The following AP4S1 variants were observed in gnomAD, a reference collection of about 807,000 sequenced individuals.
The protein encoded by AP4S1 is adaptor related protein complex 4 subunit sigma 1.
AP4S1 carries 23 observed loss-of-function variants against 19.8 expected under a neutral mutation model. That is an observed-to-expected ratio of 1.16 (90% CI 0.84 to 1.65). The LOEUF is 1.65. Among genes scored for constraint, AP4S1 ranks in the 40% most tolerant of loss-of-function variants. AP4S1 has a pLI of 0.00. For synonymous variants in AP4S1, 46 were observed against 54.1 expected (o/e 0.85, Z 0.66); for missense variants, 166 against 172.8 (o/e 0.96, Z 0.22).
At chr14:31,058,611 G>C (rs1056663299) in intron 1 of AP4S1, among the ~76,000 whole-genome samples, 2 of 151,516 alleles carry the variant, frequency 1.3e-5, no homozygotes, top group Non-Finnish European at 2.9e-5. Context: ...GCCCAGGCCA[G>C]AGTAGGAGTG....
chr14:31,087,953 T>A (rs970849914), intron 5 of AP4S1, among the ~76,000 whole-genome samples: 2 of 152,126 alleles, frequency 1.3e-5, no homozygotes, highest in African/African-American at 4.8e-5. Flanking sequence ...TGCCAGAGAG[T>A]GAGGACTGGC....
chr14:31,049,428 A>ATAT (rs1555331101), intron 1 of AP4S1, among the ~76,000 whole-genome samples: 2 of 57,742 alleles, frequency 3.5e-5, no homozygotes, highest in East Asian at 5.1e-4. Context: ...AAAAAAAAAA[A>ATAT]ATATATATAT....
rs542759693 is a variant in AP4S1, at chr14:31,046,011, G to A, written c.-71-20115G>A. Among the ~76,000 whole-genome samples, 120 of 150,378 alleles carry A rather than the reference G, an allele frequency of 8.0e-4. 1 individual carries two copies. The highest frequency in any genetic ancestry group is 3.4e-3 in the Middle Eastern group (1 of 294). ...GACGGAGTTTCACTCTTGTTGCCCA[G>A]GCTGGAGTGCAATGGCATGATCTCG... On this transcript the variant is annotated intron_variant, in intron 1 of 5. Transcript: ENST00000542754.
rs1405764488 is a variant in AP4S1, at chr14:31,073,456, C to CTCCA, written c.294+484_294+487dup. On this transcript the variant is annotated intron_variant, in intron 4 of 5. Coordinates refer to ENST00000542754, the MANE Select transcript of AP4S1 (RefSeq NM_001128126.3). Reference sequence around the variant, plus strand: ...AGTGAGCCGAGATCCCGCCACTGCACTCCAGCCTGGGCAACAGAGCGAGAC... The same window carrying CTCCA: ...AGTGAGCCGAGATCCCGCCACTGCACTCCATCCAGCCTGGGCAACAGAGCGAGAC... Among the ~76,000 whole-genome samples, 43 of 146,414 alleles carry CTCCA rather than the reference C, an allele frequency of 2.9e-4. 1 individual carries two copies. The highest frequency in any genetic ancestry group is 6.1e-4 in the Non-Finnish European group (40 of 65,840).
intron 3 of AP4S1, among the ~76,000 whole-genome samples, chr14:31,071,938 TG>T (rs1887034650): frequency 7.3e-6 from 1 of 137,454 alleles, no homozygotes; most frequent in Non-Finnish European, 1.6e-5. Context: ...TTTGGGGGGG[TG>T]GGGATGGAGT....
intron 1 of AP4S1, 169 bp downstream of exon 1, chr14:31,025,956 G>C (rs777672444): frequency 3.8e-6 from 6 of 1,592,756 alleles, no homozygotes; most frequent in Non-Finnish European, 2.6e-6. Flanking sequence ...CTCGAACCGA[G>C]CCCACTCGTG....
chr14:31,052,869 CT>C (rs1274528802), intron 1 of AP4S1, among the ~76,000 whole-genome samples: 1 of 150,206 alleles, frequency 6.7e-6, no homozygotes, highest in Admixed American at 6.7e-5. Context: ...TCCCTGTAGA[CT>C]TATCAGTACT....
At chr14:31,047,338 CA>C (rs1367862609) in intron 1 of AP4S1, among the ~76,000 whole-genome samples, 1 of 150,386 alleles carries the variant, frequency 6.6e-6, no homozygotes, top group African/African-American at 2.4e-5. Context: ...GGTGTGTGGG[CA>C]GGGGGAAGTT....
chr14:31,049,679 C>T (rs1188484183), intron 1 of AP4S1, among the ~76,000 whole-genome samples: 1 of 151,562 alleles, frequency 6.6e-6, no homozygotes, highest in Admixed American at 6.6e-5. Context: ...TATTTTGAAA[C>T]ACGGTCTTTC....
In AP4S1 at chr14:31,057,848, G is replaced by A. The variant is rs892697680; in HGVS notation, c.-71-8278G>A. 4.6e-5 allele frequency among the ~76,000 whole-genome samples: 7 copies of A among 151,470 alleles called. No individual in the cohort carries two copies. The South Asian group carries it at 6.3e-4, about 14-fold the overall frequency. ...TCACAATGTTAGCCAGGCTGGTCTCGAATTCCTGACCTCAAGTGATCCACC... is the reference window on the plus strand; with the variant it reads ...TCACAATGTTAGCCAGGCTGGTCTCAAATTCCTGACCTCAAGTGATCCACC... On this transcript the variant is annotated intron_variant, in intron 1 of 5. Transcript: ENST00000542754.
intron 1 of AP4S1, among the ~76,000 whole-genome samples, chr14:31,054,415 G>A (rs1424424324): frequency 1.3e-5 from 2 of 152,048 alleles, no homozygotes; most frequent in Non-Finnish European, 2.9e-5. Context: ...TGGGCCCAGT[G>A]ACTCACGCCT....
chr14:31,077,405 C>G (rs1357305800), intron 4 of AP4S1, among the ~76,000 whole-genome samples: 1 of 152,206 alleles, frequency 6.6e-6, no homozygotes, highest in Non-Finnish European at 1.5e-5. Context: ...GAAGTTAGGT[C>G]TTCAGCCCAC....
At position 31,084,631 on chromosome 14, in the gene AP4S1, G is replaced by T. The variant is rs1162592572; in HGVS notation, c.306+4047G>T. On this transcript the variant is annotated intron_variant, in intron 5 of 5. Transcript: ENST00000542754. ...TGAATACACTCCTGTGCACTCTTCA[G>T]TTCCACTCCACCCGCCCGGCTGAAG... The T allele has an allele frequency of 2.8e-6, 4 of 1,425,440 alleles. No individual in the cohort carries two copies. The African/African-American group carries it at 4.3e-5, about 15-fold the overall frequency. The allele number at this position is 1,425,440 out of a possible 1,614,324, so 88.3% of individuals were successfully genotyped here.
intron 1 of AP4S1, among the ~76,000 whole-genome samples, chr14:31,051,045 A>T (rs1885760890): frequency 6.6e-6 from 1 of 152,064 alleles, no homozygotes; most frequent in Non-Finnish European, 1.5e-5. Context: ...GCTTGAGCCC[A>T]GGAGTTCAAA....
chr14:31,079,408 A>G (rs994084671), intron 4 of AP4S1, among the ~76,000 whole-genome samples: 4 of 152,178 alleles, frequency 2.6e-5, no homozygotes, highest in Admixed American at 6.6e-5. Context: ...GGGAATGCTG[A>G]TCATGGGAGG....
intron 1 of AP4S1, among the ~76,000 whole-genome samples, chr14:31,061,250 C>T (rs1370932372): frequency 1.3e-5 from 2 of 152,256 alleles, no homozygotes; most frequent in South Asian, 2.1e-4. Flanking sequence ...AACCCCTGAC[C>T]TCAGGTGATC....
chr14:31,044,401 G>A (rs144353971), intron 1 of AP4S1, among the ~76,000 whole-genome samples: 1 of 152,164 alleles, frequency 6.6e-6, no homozygotes, highest in African/African-American at 2.4e-5. Context: ...GAGTATTGTG[G>A]CATAATCGTA....
Position 31,073,349 on chromosome 14 carries a change from G to A in AP4S1, c.294+376G>A, listed in dbSNP as rs1179085228. On this transcript the variant is annotated intron_variant, in intron 4 of 5. Coordinates refer to ENST00000542754, the MANE Select transcript of AP4S1 (RefSeq NM_001128126.3). ...ACTAAAAATACAAAAAATTAGCTGG[G>A]CGTGGTGGTGGGCGCCTGTAGTCCC... Among the ~76,000 whole-genome samples the A allele has an allele frequency of 5.1e-5, 7 of 136,366 alleles. 1 individual carries two copies. The highest frequency in any genetic ancestry group is 8.2e-5 in the Non-Finnish European group (5 of 61,016). 89.5% of individuals were successfully genotyped at this position (136,366 alleles called of 152,430 possible). A position where few individuals can be genotyped will look rare whatever the true frequency, so the allele number is the denominator to read the frequency against.
intron 1 of AP4S1, among the ~76,000 whole-genome samples, chr14:31,033,712 G>T (rs1026448202): frequency 1.8e-4 from 27 of 152,296 alleles, no homozygotes; most frequent in African/African-American, 6.3e-4. Flanking sequence ...ATTGACTTTG[G>T]CTAAGAAAAT....
Sources: allele counts gnomAD v4.1 joint callset (sites outside exome capture counted in the v4.1 genomes callset), GRCh38; gene constraint gnomAD v4.1.1; transcripts MANE v1.5; gene names NCBI Gene and HGNC (gene_info 2026-07-23, HGNC 2026-07-21).